The following CHST15 variants were observed in gnomAD, a reference collection of about 807,000 sequenced individuals.
CHST15 encodes B cell RAG associated protein (GALNAC4S-6ST).
In CHST15, 30 loss-of-function variants were observed where a neutral mutation model predicts 53.6. That is an observed-to-expected ratio of 0.56 (90% CI 0.42 to 0.76). The LOEUF is 0.76. Ranked by LOEUF, CHST15 falls within the 30% of genes least tolerant of loss-of-function variation. The pLI is 0.00. For synonymous variants in CHST15, 296 were observed against 289.8 expected, an observed-to-expected ratio of 1.02 and a Z score of -0.22; for missense variants, 627 against 740.5, an observed-to-expected ratio of 0.85 and a Z score of 1.78.
intron 5 of CHST15, among the ~76,000 whole-genome samples, chr10:124,037,891 T>C (rs1316413542): frequency 6.6e-6 from 1 of 152,110 alleles, no homozygotes; most frequent in Non-Finnish European, 1.5e-5. Flanking sequence ...CACCCCTGAT[T>C]CTAAGGGTGT....
At chr10:124,066,045 C>CT (rs11300716) in intron 1 of CHST15, among the ~76,000 whole-genome samples, 2 of 151,754 alleles carry the variant, frequency 1.3e-5, no homozygotes, top group Admixed American at 6.6e-5. Flanking sequence ...GTCTTTTTGT[C>CT]TTTTTTTTCT....
At chr10:124,067,213 C>T (rs1047263782) in intron 1 of CHST15, among the ~76,000 whole-genome samples, 2 of 152,222 alleles carry the variant, frequency 1.3e-5, no homozygotes, top group African/African-American at 4.8e-5. Flanking sequence ...GAGCATGAAG[C>T]CCAGATATTT....
At chr10:124,088,743 G>A (rs1949516096) in intron 1 of CHST15, among the ~76,000 whole-genome samples, 1 of 152,188 alleles carries the variant, frequency 6.6e-6, no homozygotes, top group Admixed American at 6.5e-5. Flanking sequence ...TAGGGACGCA[G>A]CACGTGATAG....
intron 1 of CHST15, among the ~76,000 whole-genome samples, chr10:124,082,420 T>C (rs1465295091): frequency 1.3e-5 from 2 of 152,144 alleles, no homozygotes; most frequent in African/African-American, 2.4e-5. Flanking sequence ...AGCTCTAAAA[T>C]TCAGACAATT....
chr10:124,058,329 G>A (rs887550591), intron 1 of CHST15, among the ~76,000 whole-genome samples: 2 of 152,236 alleles, frequency 1.3e-5, no homozygotes, highest in African/African-American at 4.8e-5. Context: ...ATGCCTGATA[G>A]TCCAGTGTCT....
chr10:124,091,456 G>A (rs1949597920), intron 1 of CHST15, among the ~76,000 whole-genome samples: 1 of 152,178 alleles, frequency 6.6e-6, no homozygotes, highest in Non-Finnish European at 1.5e-5. Flanking sequence ...CCTCGGGGGT[G>A]CAGATGCCCT....
intron 4 of CHST15, among the ~76,000 whole-genome samples, 171 bp from the exon 5 acceptor site, chr10:124,038,842 G>A (rs1590237904): frequency 6.6e-6 from 1 of 151,068 alleles, no homozygotes; most frequent in Non-Finnish European, 1.5e-5. Flanking sequence ...AAGGTTGGAT[G>A]CCCCCCCCTG....
intron 4 of CHST15, among the ~76,000 whole-genome samples, chr10:124,040,760 G>C (rs1054947399): frequency 2.6e-5 from 4 of 152,264 alleles, no homozygotes; most frequent in African/African-American, 9.6e-5. Flanking sequence ...GGCCCAAGCA[G>C]GGCTAGATAC....
chr10:124,078,522 T>C (rs1431429781), intron 1 of CHST15, among the ~76,000 whole-genome samples: 1 of 152,202 alleles, frequency 6.6e-6, no homozygotes, highest in Non-Finnish European at 1.5e-5. Context: ...TAAGGTTCTT[T>C]ATGTCTCAGA....
chr10:124,032,973 C>T (rs1947284855), intron 5 of CHST15, among the ~76,000 whole-genome samples: 1 of 152,102 alleles, frequency 6.6e-6, no homozygotes, highest in South Asian at 2.1e-4. Context: ...TTCCCCTCTC[C>T]AAGCCAATTT....
intron 5 of CHST15, among the ~76,000 whole-genome samples, chr10:124,027,335 C>G (rs541765999): frequency 3.5e-4 from 53 of 152,282 alleles, no homozygotes; most frequent in African/African-American, 1.2e-3. Context: ...GTGACCATGT[C>G]TCTCCCCAAG....
At chr10:124,040,419 G>GTACCTGGGA (rs1947690120) in intron 4 of CHST15, among the ~76,000 whole-genome samples, 1 of 152,190 alleles carries the variant, frequency 6.6e-6, no homozygotes, top group African/African-American at 2.4e-5. Context: ...TGGGAGTAGA[G>GTACCTGGGA]GCAGGAGACT....
rs1946704208 is a variant in CHST15 at position 124,019,703 on chromosome 10, T to C, written c.1347+1553A>G. 3.6e-6 allele frequency: 3 copies of C among 822,130 alleles called. No individual in the cohort carries two copies. The highest frequency in any genetic ancestry group is 6.0e-4 in the Middle Eastern group (1 of 1,676). 50.9% of individuals were successfully genotyped at this position (822,130 alleles called of 1,614,324 possible). A position where few individuals can be genotyped will look rare whatever the true frequency, so the allele number is the denominator to read the frequency against. ...ATAGGTGCCTCAGCCATGAACACAG[T>C]AGTGAGATATTCCTTTTCCACTCCT... On this transcript the variant is annotated intron_variant, in intron 6 of 7. Coordinates refer to ENST00000435907, the MANE Select transcript of CHST15 (RefSeq NM_001270764.2). The surrounding 1 kb of genome is among the most constrained non-coding windows in gnomAD (Gnocchi z 4.6).
intron 7 of CHST15, 45 bp from the exon 8 acceptor site, chr10:124,010,384 G>A: frequency 6.7e-7 from 1 of 1,491,810 alleles, no homozygotes; most frequent in Non-Finnish European, 8.9e-7. Flanking sequence ...AGGCATGGCA[G>A]GAAGTAAAAG....
At chr10:124,059,775 G>C (rs1948499435) in intron 1 of CHST15, among the ~76,000 whole-genome samples, 1 of 152,218 alleles carries the variant, frequency 6.6e-6, no homozygotes, top group Non-Finnish European at 1.5e-5. Flanking sequence ...GATCCGGGTA[G>C]TTCTAAACAT....
At chr10:124,026,827 C>G (rs186502410) in intron 5 of CHST15, among the ~76,000 whole-genome samples, 1 of 152,148 alleles carries the variant, frequency 6.6e-6, no homozygotes, top group African/African-American at 2.4e-5. Flanking sequence ...GAAGGACTGA[C>G]CAGCGGGCAG....
At position 124,046,124 on chromosome 10, in the gene CHST15, C is replaced by T. The variant is rs755059839; in HGVS notation, c.89G>A (p.Gly30Asp). 1 of 1,614,206 alleles carries T rather than the reference C, an allele frequency of 6.2e-7. No individual in the cohort carries two copies. The highest frequency in any genetic ancestry group is 8.5e-7 in the Non-Finnish European group (1 of 1,180,038). The change falls in exon 2 of 8, where the codon GGT becomes GAT. Residue 30 changes from glycine to aspartate, a missense_variant. Transcript: ENST00000435907. ...QVNCQGGPHH[G>D]HQACPTCKGE... ...TTTGCACGTGGGGCACGCCTGGTGA[C>T]CGTGATGGGGGCCCCCTTGGCAGTT... is the stretch of plus-strand genomic sequence containing the variant.
chr10:124,038,421 A>G, intron 5 of CHST15, 94 bp downstream of exon 5: 2 of 1,450,204 alleles, frequency 1.4e-6, no homozygotes, highest in African/African-American at 1.4e-5. Flanking sequence ...AATTTTTTCT[A>G]AAGGAGACAA....
At chr10:124,091,728 G>A (rs1463696631) in intron 1 of CHST15, among the ~76,000 whole-genome samples, 1 of 152,268 alleles carries the variant, frequency 6.6e-6, no homozygotes, top group Non-Finnish European at 1.5e-5. Context: ...CTGTCACAGC[G>A]GCTCCGCGCA....
Sources: gnomAD v4.1 joint callset for allele counts (sites outside exome capture counted in the v4.1 genomes callset) on GRCh38, gnomAD v4.1.1 for gene constraint, Gnocchi (gnomAD v3.1) non-coding constraint, MANE v1.5 for transcripts, NCBI Gene and HGNC (gene_info 2026-07-23, HGNC 2026-07-21) for gene names.